The following PAPPA2 variants were observed in gnomAD, a reference collection of about 807,000 sequenced individuals.
PAPPA2 encodes the protein pappalysin-2.
A neutral mutation model predicts 176.4 loss-of-function variants in PAPPA2; 86 were observed. That is an observed-to-expected ratio of 0.49 (90% confidence interval 0.41 to 0.58). PAPPA2 has a LOEUF of 0.58. PAPPA2 is among the 20% of genes least tolerant of loss of function. PAPPA2 has a pLI of 0.00. For synonymous variants in PAPPA2, 809 were observed against 852.2 expected (o/e 0.95, Z 0.88); for missense variants, 2,073 against 2,256.9 (o/e 0.92, Z 1.65).
chr1:176,512,889 A>G (rs1648689672), intron 1 of PAPPA2, among the ~76,000 whole-genome samples: 1 of 152,198 alleles, frequency 6.6e-6, no homozygotes, highest in Non-Finnish European at 1.5e-5. Context: ...GTCATAACAC[A>G]ATGCTTCTGG....
chr1:176,726,821 C>T (rs1661898417), intron 12 of PAPPA2, among the ~76,000 whole-genome samples: 3 of 152,132 alleles, frequency 2.0e-5, no homozygotes, highest in African/African-American at 7.2e-5. Flanking sequence ...TAGGGATCAC[C>T]ATCTGTGAGC....
At chr1:176,601,419 C>G (rs1654314258) in intron 3 of PAPPA2, among the ~76,000 whole-genome samples, 1 of 152,278 alleles carries the variant, frequency 6.6e-6, no homozygotes, top group Non-Finnish European at 1.5e-5. Context: ...AGTTCCTCTC[C>G]CAAACGCTCT....
In PAPPA2 at chr1:176,595,144, A is replaced by G. The variant is rs1199043810; in HGVS notation, c.1540A>G (p.Asn514Asp). The G allele has an allele frequency of 6.2e-7, 1 of 1,614,086 alleles. No homozygotes were observed. Residue 514 changes from asparagine to aspartate, a missense_variant, in exon 3 of 23, where the codon AAT (asparagine) becomes GAT (aspartate). By Grantham distance (23) the Asn-to-Asp change is conservative (BLOSUM62 1). This residue lies in a region of PAPPA2 where 1,196 missense variants were observed against 1,330.4 expected (regional missense o/e 0.90). Coordinates refer to ENST00000367662, the MANE Select transcript of PAPPA2 (RefSeq NM_020318.3). ...CDNVELISQY[N>D]GYWPLRGEKV... ...CAATGTGGAATTGATCTCCCAGTACAATGGATACTGGCCCCTTCGGGGAGA... is the reference window on the plus strand; with the variant it reads ...CAATGTGGAATTGATCTCCCAGTACGATGGATACTGGCCCCTTCGGGGAGA...
At chr1:176,821,406 G>T (rs1666661375) in intron 21 of PAPPA2, among the ~76,000 whole-genome samples, 1 of 152,190 alleles carries the variant, frequency 6.6e-6, no homozygotes, top group Non-Finnish European at 1.5e-5. Context: ...GCAAAGATGT[G>T]AAAGGAAATG....
intron 3 of PAPPA2, among the ~76,000 whole-genome samples, chr1:176,651,035 A>G (rs1248012516): frequency 1.3e-5 from 2 of 151,722 alleles, no homozygotes; most frequent in Admixed American, 6.6e-5. Context: ...TTTTAACTGT[A>G]TGTTGTCTCA....
intron 1 of PAPPA2, among the ~76,000 whole-genome samples, chr1:176,522,506 G>C (rs1649268239): frequency 6.6e-6 from 1 of 152,228 alleles, no homozygotes; most frequent in African/African-American, 2.4e-5. Flanking sequence ...AGGTATGTTA[G>C]TCCATAAAGA....
chr1:176,706,414 A>G lies in PAPPA2; in HGVS notation c.3421A>G (p.Lys1141Glu), dbSNP rs777311530. ...CCTTGTGAGCGGAGATGGCTGCTCC[A>G]AGGTGTGTGAGCTGGAGGAAGGTTT... ...GDLVSGDGCSKVCELEEGFNC... is the reference protein window; with the variant it reads ...GDLVSGDGCSEVCELEEGFNC... The change falls in exon 10 of 23, where the codon AAG becomes GAG. Residue 1141 changes from lysine (K) to glutamate (E), a missense_variant. This residue lies in a region of PAPPA2 where 846 missense variants were observed against 857.9 expected (regional missense o/e 0.99). Coordinates refer to ENST00000367662, the MANE Select transcript of PAPPA2 (RefSeq NM_020318.3). 32 of 1,613,822 alleles carry G rather than the reference A, an allele frequency of 2.0e-5. No homozygotes were observed. The Middle Eastern group carries it at 5.0e-4, about 25-fold the overall frequency.
At chr1:176,514,959 G>C (rs948920763) in intron 1 of PAPPA2, among the ~76,000 whole-genome samples, 7 of 152,142 alleles carry the variant, frequency 4.6e-5, no homozygotes, top group Non-Finnish European at 1.0e-4. Context: ...TGTATATTAA[G>C]CATTGAGGAA....
At chr1:176,766,655 T>G (rs1419090275) in intron 15 of PAPPA2, among the ~76,000 whole-genome samples, 3 of 152,214 alleles carry the variant, frequency 2.0e-5, no homozygotes, top group Non-Finnish European at 4.4e-5. Context: ...ATTGTCAGTA[T>G]TATGAGCATG....
intron 21 of PAPPA2, among the ~76,000 whole-genome samples, chr1:176,809,951 AGTGT>A (rs55858181): frequency 0.065 from 8,663 of 133,630 alleles, 492 homozygotes; most frequent in African/African-American, 0.15. Flanking sequence ...GACAAGATGC[AGTGT>A]GTGTGTGTGT....
At chr1:176,801,090 T>TAC (rs1194874555) in intron 21 of PAPPA2, among the ~76,000 whole-genome samples, 2 of 138,220 alleles carry the variant, frequency 1.4e-5, no homozygotes, top group African/African-American at 3.0e-5. Context: ...AGGAGATGCT[T>TAC]ACACACACAC....
intron 1 of PAPPA2, among the ~76,000 whole-genome samples, chr1:176,531,862 G>A (rs562803848): frequency 3.3e-4 from 50 of 152,330 alleles, no homozygotes; most frequent in Middle Eastern, 3.4e-3. Context: ...CATACTGAAT[G>A]TTCACTGGCT....
intron 4 of PAPPA2, among the ~76,000 whole-genome samples, chr1:176,672,072 T>TA (rs558840504): frequency 5.4e-5 from 8 of 149,524 alleles, no homozygotes; most frequent in Non-Finnish European, 1.2e-4. Flanking sequence ...AATAATAAAA[T>TA]AAAAAAATAA....
intron 1 of PAPPA2, among the ~76,000 whole-genome samples, chr1:176,483,160 C>T (rs547115128): frequency 6.6e-6 from 1 of 152,122 alleles, no homozygotes; most frequent in Non-Finnish European, 1.5e-5. Context: ...GATTCCAGGT[C>T]CCCTACCTGT....
At chr1:176,691,296 AC>A in intron 5 of PAPPA2, 1 of 493,238 alleles carries the variant, frequency 2.0e-6, no homozygotes, top group Non-Finnish European at 2.6e-6. Context: ...AGAATAAACC[AC>A]CACACCCTGG....
At chr1:176,625,756 T>C (rs1458146959) in intron 3 of PAPPA2, among the ~76,000 whole-genome samples, 2 of 152,224 alleles carry the variant, frequency 1.3e-5, no homozygotes, top group Non-Finnish European at 2.9e-5. Flanking sequence ...GGCAATGGCT[T>C]ACACCAGTAA....
intron 3 of PAPPA2, among the ~76,000 whole-genome samples, chr1:176,623,738 T>C (rs546434440): frequency 1.7e-5 from 2 of 119,426 alleles, no homozygotes; most frequent in African/African-American, 3.3e-5. Flanking sequence ...CTTTCTTTCT[T>C]TCTCTCTCTT....
At chr1:176,782,537 T>TA (rs1275783294) in intron 17 of PAPPA2, among the ~76,000 whole-genome samples, 3 of 151,696 alleles carry the variant, frequency 2.0e-5, no homozygotes, top group East Asian at 3.9e-4. Flanking sequence ...CAGGAGAAGA[T>TA]AAAAAAAAGA....
At chr1:176,520,967 A>G (rs1457891411) in intron 1 of PAPPA2, among the ~76,000 whole-genome samples, 3 of 152,114 alleles carry the variant, frequency 2.0e-5, no homozygotes, top group Non-Finnish European at 4.4e-5. Flanking sequence ...AAAATAAAAT[A>G]AAAAAGAGAA....
Sources: gnomAD v4.1 joint callset for allele counts (sites outside exome capture counted in the v4.1 genomes callset) on GRCh38, gnomAD v4.1.1 for gene constraint, gnomAD v4.1.1 regional missense constraint, MANE v1.5 for transcripts, NCBI Gene and HGNC (gene_info 2026-07-23, HGNC 2026-07-21) for gene names.